Variants in RANBP2 observed in about 807,000 individuals in gnomAD.
The protein encoded by RANBP2 is RAN binding protein 2, also known as E3 SUMO-protein ligase RanBP2.
A neutral mutation model predicts 303.6 loss-of-function variants in RANBP2; 57 were observed. The ratio of observed to expected loss-of-function variants is 0.19; its 90% confidence interval spans 0.15 to 0.23. The LOEUF is 0.23. RANBP2 is among the 10% of genes least tolerant of loss of function. RANBP2 has a pLI of 1.00. For missense variants in RANBP2, 3,138 were observed against 3,780.8 expected, an observed-to-expected ratio of 0.83 and a Z score of 4.46; for synonymous variants, 1,167 against 1,301.5, an observed-to-expected ratio of 0.90 and a Z score of 2.23.
At chr2:108,938,028 ATTTAC>A in the RANBP2 span, among the ~76,000 whole-genome samples, 2,230 of 152,336 alleles carry the variant, frequency 0.015, 25 homozygotes, top group South Asian at 0.03. Flanking sequence ...TGAAACACTT[ATTTAC>A]TTCTAGATTT....
At chr2:109,440,611 T>A in the RANBP2 span, among the ~76,000 whole-genome samples, 1 of 151,922 alleles carries the variant, frequency 6.6e-6, no homozygotes, top group East Asian at 1.9e-4. Context: ...AAAACAACAG[T>A]TTTCAAGACA....
chr2:108,958,212 C>A, the RANBP2 span, among the ~76,000 whole-genome samples: 1 of 152,088 alleles, frequency 6.6e-6, no homozygotes, highest in African/African-American at 2.4e-5. Flanking sequence ...CTGGAATGCA[C>A]CCTGGCTGTT....
At chr2:108,893,420 A>G in the RANBP2 span, among the ~76,000 whole-genome samples, 14 of 152,278 alleles carry the variant, frequency 9.2e-5, 2 homozygotes, top group South Asian at 2.7e-3. Flanking sequence ...ACTGACTCCT[A>G]GTCACCATCA....
the RANBP2 span, among the ~76,000 whole-genome samples, chr2:109,706,928 G>A: frequency 1.6e-4 from 24 of 152,228 alleles, no homozygotes; most frequent in African/African-American, 4.8e-4. Flanking sequence ...CAGTTCCACC[G>A]AGGGAGGTGT....
the RANBP2 span, among the ~76,000 whole-genome samples, chr2:109,726,097 GTT>G: frequency 1.0e-4 from 15 of 147,870 alleles, no homozygotes; most frequent in Non-Finnish European, 1.7e-4. Flanking sequence ...GTGTGTGTGT[GTT>G]TGTGTTTTCC....
rs546832884 is a variant in RANBP2 at position 108,743,444 on chromosome 2, G to A, written c.975+2763G>A. On this transcript the variant is annotated intron_variant, in intron 7 of 28. Coordinates refer to ENST00000283195, the MANE Select transcript of RANBP2 (RefSeq NM_006267.5). Reference sequence around the variant, plus strand: ...GCCTGCCACCATGCCTGGCTACATTGTTAAATTTTTTGTAAAGACAAGGTC... The same window carrying A: ...GCCTGCCACCATGCCTGGCTACATTATTAAATTTTTTGTAAAGACAAGGTC... Among the ~76,000 whole-genome samples, 8 of 152,066 alleles carry A rather than the reference G, an allele frequency of 5.3e-5. 1 individual carries two copies. The South Asian group carries it at 1.7e-3, about 31-fold the overall frequency.
At chr2:108,831,551 G>A in the RANBP2 span, among the ~76,000 whole-genome samples, 1 of 152,178 alleles carries the variant, frequency 6.6e-6, no homozygotes, top group African/African-American at 2.4e-5. Context: ...GACAGTGTTT[G>A]CTGTGAAGAA....
At chr2:108,888,448 A>G in the RANBP2 span, among the ~76,000 whole-genome samples, 1 of 151,844 alleles carries the variant, frequency 6.6e-6, no homozygotes, top group African/African-American at 2.4e-5. Context: ...GGTTGGTGTT[A>G]TTTCTTTGTA....
At chr2:109,213,300 C>A in the RANBP2 span, among the ~76,000 whole-genome samples, 2 of 152,216 alleles carry the variant, frequency 1.3e-5, no homozygotes, top group African/African-American at 4.8e-5. Context: ...CTGGTGTGTC[C>A]ATAGCATAAG....
chr2:109,619,503 A>T, the RANBP2 span, among the ~76,000 whole-genome samples: 2 of 152,140 alleles, frequency 1.3e-5, no homozygotes, highest in South Asian at 4.1e-4. Context: ...ATTTTTAGCA[A>T]AATTCAACTC....
At chr2:109,431,470 A>G in the RANBP2 span, among the ~76,000 whole-genome samples, 87 of 152,364 alleles carry the variant, frequency 5.7e-4, no homozygotes, top group African/African-American at 1.9e-3. Flanking sequence ...CAAGGAAAAG[A>G]TATAGGTATA....
At chr2:109,565,366 AG>A in the RANBP2 span, among the ~76,000 whole-genome samples, 3 of 152,308 alleles carry the variant, frequency 2.0e-5, no homozygotes, top group Admixed American at 6.5e-5. Context: ...TAACTTTTTA[AG>A]TTGGCTGACT....
the RANBP2 span, chr2:109,553,144 C>G: frequency 2.5e-6 from 4 of 1,613,916 alleles, no homozygotes; most frequent in African/African-American, 1.3e-5. Context: ...GCACAAACAT[C>G]TGTTTCATTT....
At chr2:109,545,695 C>T in the RANBP2 span, 1 of 1,460,154 alleles carries the variant, frequency 6.8e-7, no homozygotes, top group South Asian at 1.5e-5. Flanking sequence ...CAAAATAACT[C>T]ATGGTAGGTC....
At chr2:109,275,211 A>G in the RANBP2 span, among the ~76,000 whole-genome samples, 3 of 152,326 alleles carry the variant, frequency 2.0e-5, no homozygotes, top group East Asian at 3.9e-4. Context: ...ACTTTGCTGC[A>G]TACAGTGAGG....
At chr2:109,470,290 C>T in the RANBP2 span, among the ~76,000 whole-genome samples, 4 of 152,318 alleles carry the variant, frequency 2.6e-5, no homozygotes, top group East Asian at 7.7e-4. Context: ...CCCAGCAGCT[C>T]TAGCCACATG....
the RANBP2 span, among the ~76,000 whole-genome samples, chr2:109,019,052 C>A: frequency 6.6e-6 from 1 of 152,180 alleles, no homozygotes; most frequent in Admixed American, 6.5e-5. Context: ...CAGATCAGAT[C>A]AGTCACTAGT....
At chr2:109,014,061 A>G in the RANBP2 span, among the ~76,000 whole-genome samples, 14 of 152,208 alleles carry the variant, frequency 9.2e-5, no homozygotes, top group African/African-American at 3.1e-4. Flanking sequence ...TAAGGACAAA[A>G]TTTGATATGC....
the RANBP2 span, among the ~76,000 whole-genome samples, chr2:109,190,019 A>G: frequency 1.3e-5 from 2 of 152,232 alleles, no homozygotes; most frequent in African/African-American, 4.8e-5. Context: ...AAGTCTACAG[A>G]ACTAAAAAGG....
Sources: gnomAD v4.1 joint callset for allele counts (sites outside exome capture counted in the v4.1 genomes callset) on GRCh38, gnomAD v4.1.1 for gene constraint, MANE v1.5 for transcripts, NCBI Gene and HGNC (gene_info 2026-07-23, HGNC 2026-07-21) for gene names.